The following KCNMA1 variants were observed in gnomAD, a reference collection of about 807,000 sequenced individuals.
The protein encoded by KCNMA1 is Calcium-activated potassium channel subunit alpha-1.
KCNMA1 carries 29 observed loss-of-function variants against 140.0 expected under a neutral mutation model. The observed-to-expected ratio is 0.21, with a 90% CI of 0.15 to 0.28. The LOEUF (loss-of-function observed/expected upper bound fraction) is 0.28. Ranked by LOEUF, KCNMA1 falls within the 10% of genes least tolerant of loss-of-function variation. KCNMA1 has a pLI of 1.00. For missense variants in KCNMA1, 880 were observed against 1,602.2 expected, an observed-to-expected ratio of 0.55 and a Z score of 7.70; for synonymous variants, 612 against 611.9, an observed-to-expected ratio of 1.00 and a Z score of 0.00.
chr10:77,486,042 T>C (rs1483106421), intron 1 of KCNMA1, among the ~76,000 whole-genome samples: 2 of 152,122 alleles, frequency 1.3e-5, no homozygotes, highest in Non-Finnish European at 2.9e-5. Flanking sequence ...CTGGAGGCCA[T>C]TCCCTGCTCA....
chr10:77,225,774 C>T (rs779139615), intron 3 of KCNMA1, among the ~76,000 whole-genome samples: 37 of 152,174 alleles, frequency 2.4e-4, no homozygotes, highest in African/African-American at 7.0e-4. Flanking sequence ...GGCCACATGC[C>T]GAATGGAGGA....
intron 6 of KCNMA1, among the ~76,000 whole-genome samples, chr10:77,114,158 G>C (rs1242749482): frequency 6.6e-6 from 1 of 152,126 alleles, no homozygotes; most frequent in East Asian, 1.9e-4. Context: ...GGAATATCCT[G>C]CTCCCCAAAA....
chr10:77,043,754 T>C (rs1388443583), intron 14 of KCNMA1, among the ~76,000 whole-genome samples: 1 of 152,150 alleles, frequency 6.6e-6, no homozygotes, highest in South Asian at 2.1e-4. Context: ...AGGACAACCG[T>C]GTTATGATTC....
At chr10:77,072,738 A>G (rs1367632688) in intron 14 of KCNMA1, among the ~76,000 whole-genome samples, 2 of 152,216 alleles carry the variant, frequency 1.3e-5, no homozygotes, top group Admixed American at 1.3e-4. Context: ...GCCACTTGAT[A>G]TAAAAGAGCA....
chr10:76,928,764 A>G (rs1032001172), intron 23 of KCNMA1, among the ~76,000 whole-genome samples: 5 of 152,180 alleles, frequency 3.3e-5, no homozygotes, highest in African/African-American at 1.2e-4. Flanking sequence ...GAGCCGATCA[A>G]CGCGCCATCC....
chr10:76,952,580 G>A (rs2066713113), intron 21 of KCNMA1, among the ~76,000 whole-genome samples: 1 of 152,168 alleles, frequency 6.6e-6, no homozygotes, highest in Admixed American at 6.5e-5. Flanking sequence ...AGAACAATTT[G>A]CACTCCTGGT....
At chr10:77,084,125 C>A (rs979619579) in intron 12 of KCNMA1, among the ~76,000 whole-genome samples, 4 of 152,204 alleles carry the variant, frequency 2.6e-5, no homozygotes, top group Admixed American at 2.6e-4. Context: ...CTGGGCCAGA[C>A]AATTCTCTGT....
intron 1 of KCNMA1, among the ~76,000 whole-genome samples, chr10:77,432,423 A>G (rs2097173778): frequency 1.3e-5 from 2 of 152,204 alleles, no homozygotes; most frequent in African/African-American, 4.8e-5. Context: ...TGTGGAACCC[A>G]AGTACAGCCA....
At chr10:77,521,473 G>A (rs748488686) in intron 1 of KCNMA1, among the ~76,000 whole-genome samples, 3 of 152,178 alleles carry the variant, frequency 2.0e-5, no homozygotes, top group African/African-American at 7.2e-5. Context: ...TCCCAGATCC[G>A]CCAATTATGG....
At chr10:77,206,823 G>GA (rs200560204) in intron 3 of KCNMA1, among the ~76,000 whole-genome samples, 1,836 of 145,142 alleles carry the variant, frequency 0.013, 21 homozygotes, top group Middle Eastern at 0.028. Flanking sequence ...GGGAGGGGGG[G>GA]GCGGGTCTTA....
chr10:77,296,398 G>A (rs1003143243), intron 2 of KCNMA1, among the ~76,000 whole-genome samples: 1 of 152,094 alleles, frequency 6.6e-6, no homozygotes, highest in African/African-American at 2.4e-5. Context: ...GATGATTTGG[G>A]ATTCTGACCC....
chr10:77,323,142 G>A (rs1222402599), intron 2 of KCNMA1, among the ~76,000 whole-genome samples: 1 of 152,130 alleles, frequency 6.6e-6, no homozygotes, highest in Non-Finnish European at 1.5e-5. Flanking sequence ...ATAGATTGCT[G>A]GATGCATACT....
At chr10:77,457,194 A>G (rs2097775350) in intron 1 of KCNMA1, among the ~76,000 whole-genome samples, 2 of 151,870 alleles carry the variant, frequency 1.3e-5, no homozygotes, top group South Asian at 4.2e-4. Context: ...TTGCTCTGAG[A>G]CCCAGTCTTT....
At chr10:77,553,292 A>C (rs144133889) in intron 1 of KCNMA1, among the ~76,000 whole-genome samples, 1 of 152,190 alleles carries the variant, frequency 6.6e-6, no homozygotes, top group Non-Finnish European at 1.5e-5. Context: ...GCAGCCTGTC[A>C]ATATTTCAAA....
chr10:77,094,555 A>G (rs1030582235), intron 9 of KCNMA1, among the ~76,000 whole-genome samples: 5 of 152,328 alleles, frequency 3.3e-5, no homozygotes, highest in African/African-American at 1.2e-4. Flanking sequence ...AGGCAGTATC[A>G]TGATAGTCTT....
intron 1 of KCNMA1, chr10:77,636,876 G>C: frequency 7.0e-7 from 1 of 1,430,206 alleles, no homozygotes. Flanking sequence ...CGGCAGGTGA[G>C]CGGTGCAAAA....
intron 1 of KCNMA1, among the ~76,000 whole-genome samples, chr10:77,435,757 T>C (rs533388821): frequency 6.6e-6 from 1 of 152,344 alleles, no homozygotes; most frequent in Non-Finnish European, 1.5e-5. Context: ...GTCTGTTGAC[T>C]GAATTAGATT....
At chr10:77,533,405 A>G (rs1395448243) in intron 1 of KCNMA1, among the ~76,000 whole-genome samples, 2 of 152,212 alleles carry the variant, frequency 1.3e-5, no homozygotes, top group Admixed American at 6.5e-5. Flanking sequence ...ATGACTTAGG[A>G]CAAATCATTT....
intron 1 of KCNMA1, among the ~76,000 whole-genome samples, chr10:77,446,269 G>T (rs2097528055): frequency 6.6e-6 from 1 of 152,228 alleles, no homozygotes; most frequent in Admixed American, 6.5e-5. Flanking sequence ...TCAGTCTGGA[G>T]CTGTCTGAGG....
Sources: gnomAD v4.1 joint callset for allele counts (sites outside exome capture counted in the v4.1 genomes callset) on GRCh38, gnomAD v4.1.1 for gene constraint, MANE v1.5 for transcripts, NCBI Gene and HGNC (gene_info 2026-07-23, HGNC 2026-07-21) for gene names.